The following MTUS1 variants were observed in gnomAD, a reference collection of about 807,000 sequenced individuals.
MTUS1 encodes microtubule-associated tumor suppressor 1.
MTUS1 carries 109 observed loss-of-function variants against 120.8 expected under a neutral mutation model. The observed-to-expected ratio is 0.90, with a 90% CI of 0.77 to 1.06. The LOEUF is 1.06. Ranked by LOEUF, MTUS1 falls within the 50% of genes least tolerant of loss-of-function variation. The pLI is 0.00. For missense variants in MTUS1, 2,210 were observed against 1,486.3 expected (o/e 1.49, Z -8.01); for synonymous variants, 737 against 550.5 (o/e 1.34, Z -4.74).
At chr8:17,796,457 G>T (rs906784170) in intron 1 of MTUS1, among the ~76,000 whole-genome samples, 1 of 152,148 alleles carries the variant, frequency 6.6e-6, no homozygotes, top group South Asian at 2.1e-4. Flanking sequence ...TTCCAAGTTC[G>T]ACCTTGTTCA....
chr8:17,759,383 C>G (rs1281700553), intron 1 of MTUS1, among the ~76,000 whole-genome samples: 1 of 151,492 alleles, frequency 6.6e-6, no homozygotes, highest in Non-Finnish European at 1.5e-5. Flanking sequence ...CCCACCTCAG[C>G]CTCCCGAGTA....
intron 6 of MTUS1, among the ~76,000 whole-genome samples, chr8:17,702,068 T>C (rs1279837398): frequency 6.6e-6 from 1 of 152,178 alleles, no homozygotes; most frequent in East Asian, 1.9e-4. Context: ...TGTTTCCAAT[T>C]TTCCCCCATT....
intron 6 of MTUS1, among the ~76,000 whole-genome samples, chr8:17,707,413 T>A (rs1040135004): frequency 3.9e-5 from 6 of 152,176 alleles, no homozygotes; most frequent in Non-Finnish European, 7.4e-5. Context: ...TCTTAAGTCA[T>A]GATAATAACT....
chr8:17,727,786 G>C (rs982849201), intron 3 of MTUS1, among the ~76,000 whole-genome samples: 1 of 152,186 alleles, frequency 6.6e-6, no homozygotes, highest in African/African-American at 2.4e-5. Context: ...TTTATTTTAA[G>C]CTCGTGCACT....
intron 6 of MTUS1, among the ~76,000 whole-genome samples, chr8:17,693,609 TTC>T (rs765458407): frequency 1.3e-5 from 2 of 152,236 alleles, no homozygotes; most frequent in Non-Finnish European, 2.9e-5. Flanking sequence ...ACATGCTGTT[TTC>T]TCTGTCGGAA....
chr8:17,688,174 T>C (rs1173040107), intron 6 of MTUS1, among the ~76,000 whole-genome samples: 2 of 152,192 alleles, frequency 1.3e-5, no homozygotes, highest in African/African-American at 4.8e-5. Context: ...GAAACGAACG[T>C]TGTCCACTTT....
intron 6 of MTUS1, among the ~76,000 whole-genome samples, chr8:17,687,791 T>C (rs1407005385): frequency 6.6e-6 from 1 of 152,216 alleles, no homozygotes; most frequent in Non-Finnish European, 1.5e-5. Context: ...CTGTTGGCTA[T>C]CTTTGTTCTT....
intron 1 of MTUS1, among the ~76,000 whole-genome samples, chr8:17,761,801 T>G (rs1228071408): frequency 1.3e-5 from 2 of 152,232 alleles, no homozygotes; most frequent in African/African-American, 4.8e-5. Flanking sequence ...AGTTATAATT[T>G]ATAGCTTCCA....
At chr8:17,669,106 A>C (rs1811487403) in intron 8 of MTUS1, among the ~76,000 whole-genome samples, 1 of 152,220 alleles carries the variant, frequency 6.6e-6, no homozygotes, top group Non-Finnish European at 1.5e-5. Context: ...AAGAGTTCCT[A>C]ATTCTAGATG....
At chr8:17,650,046 T>G (rs895702445) in intron 12 of MTUS1, 84 bp from the exon 13 acceptor site, 2 of 800,866 alleles carry the variant, frequency 2.5e-6, no homozygotes, top group South Asian at 2.9e-5. Flanking sequence ...GATTGAGACA[T>G]TAGACAAGTA....
intron 1 of MTUS1, among the ~76,000 whole-genome samples, chr8:17,795,988 T>C (rs545662357): frequency 6.8e-6 from 1 of 147,354 alleles, no homozygotes; most frequent in East Asian, 2.1e-4. Flanking sequence ...CTCACTCTGT[T>C]GGCCAGGCTG....
intron 4 of MTUS1, among the ~76,000 whole-genome samples, chr8:17,717,813 T>G (rs1822630309): frequency 6.6e-6 from 1 of 152,062 alleles, no homozygotes; most frequent in Admixed American, 6.6e-5. Context: ...CTTTTCAGAC[T>G]CAATACAACA....
chr8:17,699,280 C>T (rs1818563113), intron 6 of MTUS1, among the ~76,000 whole-genome samples: 1 of 152,168 alleles, frequency 6.6e-6, no homozygotes, highest in South Asian at 2.1e-4. Flanking sequence ...TGTAATGGCG[C>T]AGTCTCTGCT....
chr8:17,794,728 A>G (rs545096045), intron 1 of MTUS1, among the ~76,000 whole-genome samples: 1 of 152,350 alleles, frequency 6.6e-6, no homozygotes, highest in East Asian at 1.9e-4. Context: ...ACAGTATAAT[A>G]AAAAATAAGA....
rs1315063853 is a variant in MTUS1, at chr8:17,653,455, A to C, written c.3258T>G (p.Asp1086Glu). ...GHEIEKKSLE[D>E]LLSEKQESLE... ...GCGATTCCTGCTTCTCAGAAAGTAA[A>C]TCTTCAAGCGATTTCTTTTCTATTT... The change falls in exon 11 of 15, where the codon GAT becomes GAG. Residue 1086 changes from aspartate (D) to glutamate (E), a missense_variant. Physicochemically the swap from Asp to Glu is conservative, Grantham distance 45. Coordinates refer to ENST00000693296, the MANE Select transcript of MTUS1 (RefSeq NM_001363059.2). 5 of 1,612,410 alleles carry C rather than the reference A, an allele frequency of 3.1e-6. No individual in the cohort carries two copies. The highest frequency in any genetic ancestry group is 4.2e-6 in the Non-Finnish European group (5 of 1,179,458).
intron 1 of MTUS1, chr8:17,780,855 C>T (rs891112362): frequency 2.0e-5 from 3 of 152,152 alleles, no homozygotes; most frequent in African/African-American, 4.8e-5. Context: ...TGACCTAAGA[C>T]AATAATTAGC....
chr8:17,783,912 TGAA>T (rs1237585411), intron 1 of MTUS1, among the ~76,000 whole-genome samples: 1 of 152,106 alleles, frequency 6.6e-6, no homozygotes, highest in Non-Finnish European at 1.5e-5. Context: ...CCCGATGACA[TGAA>T]GGTCACTCAG....
At chr8:17,797,375 T>C (rs1009759161) in intron 1 of MTUS1, among the ~76,000 whole-genome samples, 4 of 152,134 alleles carry the variant, frequency 2.6e-5, no homozygotes, top group African/African-American at 9.7e-5. Flanking sequence ...ATCATGCTAC[T>C]GTATTCCAGC....
At chr8:17,767,195 A>T (rs958492830) in intron 1 of MTUS1, among the ~76,000 whole-genome samples, 3 of 94,902 alleles carry the variant, frequency 3.2e-5, no homozygotes, top group Non-Finnish European at 6.5e-5. Flanking sequence ...GGGTAAAAAA[A>T]AAAAAAAAAA....
Sources: gnomAD v4.1 joint callset for allele counts (sites outside exome capture counted in the v4.1 genomes callset) on GRCh38, gnomAD v4.1.1 for gene constraint, MANE v1.5 for transcripts, NCBI Gene and HGNC (gene_info 2026-07-23, HGNC 2026-07-21) for gene names.